Variants in ELMOD1 observed in about 807,000 individuals in gnomAD.
ELMOD1 encodes the protein ELMO domain containing 1.
A neutral mutation model predicts 46.7 loss-of-function variants in ELMOD1; 21 were observed. That is an observed-to-expected ratio of 0.45 (90% CI 0.32 to 0.65). ELMOD1 has a LOEUF of 0.65. Among genes scored for constraint, ELMOD1 ranks in the 30% least tolerant of loss-of-function variants. The pLI is 0.04. For missense variants in ELMOD1, 348 were observed against 407.8 expected, an observed-to-expected ratio of 0.85 and a Z score of 1.26; for synonymous variants, 122 against 138.2, an observed-to-expected ratio of 0.88 and a Z score of 0.82.
Position 107,612,934 on chromosome 11 carries a change from A to G in ELMOD1, c.-85-5171A>G, listed in dbSNP as rs192567556. On this transcript the variant is annotated intron_variant, in intron 1 of 11. Coordinates refer to ENST00000265840, the MANE Select transcript of ELMOD1 (RefSeq NM_018712.4). The stretch of plus-strand genomic sequence containing the variant: ...TTTCCTGTTTGGGGGACAGATAATG[A>G]GATCTAATTGTTATCTTTGTTTCCT... 5.6e-4 allele frequency among the ~76,000 whole-genome samples: 86 copies of G among 152,328 alleles called. 1 individual carries two copies. The highest frequency in any genetic ancestry group is 2.0e-3 in the African/African-American group (85 of 41,574).
Position 107,631,567 on chromosome 11 carries a change from A to T in ELMOD1, c.193-13A>T. ...GTTAATGAAAAGGAAAGTGATTAAA[A>T]CATGTTTTCCAGCTGTTGCAGACTT... On this transcript the variant is annotated splice_polypyrimidine_tract_variant and intron_variant, in intron 4 of 11. Transcript: ENST00000265840. 6.6e-7 allele frequency: 1 copy of T among 1,524,882 alleles called. No individual in the cohort carries two copies. The highest frequency in any genetic ancestry group is 8.9e-7 in the Non-Finnish European group (1 of 1,128,232). 94.5% of individuals were successfully genotyped at this position (1,524,882 alleles called of 1,614,324 possible).
Position 107,646,083 on chromosome 11 carries a change from G to T in ELMOD1, c.421-1385G>T, listed in dbSNP as rs76550627. ...TTATACCCTGTCGGTAATGAAGATAGAAGTCTAAATAGTAAACTTGTTTAC... is the reference window on the plus strand; with the variant it reads ...TTATACCCTGTCGGTAATGAAGATATAAGTCTAAATAGTAAACTTGTTTAC... On this transcript the variant is annotated intron_variant, in intron 6 of 11. Transcript: ENST00000265840. Among the ~76,000 whole-genome samples the T allele has an allele frequency of 5.4e-3, 826 of 152,286 alleles. 7 individuals are homozygous for T. The highest frequency in any genetic ancestry group is 0.019 in the African/African-American group (785 of 41,564).
In ELMOD1 at chr11:107,630,471, G is replaced by A; in HGVS notation, c.72G>A (p.Leu24=). Residue 24 remains leucine (L), a synonymous_variant, in exon 3 of 12, where the codon CTG becomes CTA. Transcript: ENST00000265840. The stretch of plus-strand genomic sequence containing the variant: ...ACTGTAAATTTCTGTGGCGCTGCCT[G>A]AAATTTGTAATGAGGAAGCTAACTG... ...YFYCKFLWRC[L]KFVMRKLTGR... 6.2e-7 allele frequency: 1 copy of A among 1,607,030 alleles called. No homozygotes were observed. The highest frequency in any genetic ancestry group is 1.7e-5 in the Admixed American group (1 of 58,858).
intron 2 of ELMOD1, among the ~76,000 whole-genome samples, chr11:107,621,061 G>A (rs546493365): frequency 6.6e-6 from 1 of 152,276 alleles, no homozygotes; most frequent in African/African-American, 2.4e-5. Flanking sequence ...GAAAACTTGT[G>A]CTGAAGATCA....
intron 4 of ELMOD1, among the ~76,000 whole-genome samples, 179 bp downstream of exon 4, chr11:107,630,907 G>A (rs973060527): frequency 1.4e-4 from 21 of 152,100 alleles, no homozygotes; most frequent in Non-Finnish European, 2.9e-4. Flanking sequence ...AACAGCCACT[G>A]TATGTGAATT....
intron 11 of ELMOD1, among the ~76,000 whole-genome samples, chr11:107,660,826 T>C (rs1305576934): frequency 1.3e-5 from 2 of 152,236 alleles, no homozygotes; most frequent in Admixed American, 6.5e-5. Context: ...TTAGCTTCCA[T>C]AGCGAACAAA....
chr11:107,601,801 T>A (rs1418870920), intron 1 of ELMOD1, among the ~76,000 whole-genome samples: 1 of 152,196 alleles, frequency 6.6e-6, no homozygotes, highest in Non-Finnish European at 1.5e-5. Context: ...TTGTGAATAT[T>A]TTCTGTATAC....
At chr11:107,664,681 T>C (rs1300910981) in intron 11 of ELMOD1, among the ~76,000 whole-genome samples, 1 of 152,122 alleles carries the variant, frequency 6.6e-6, no homozygotes, top group Non-Finnish European at 1.5e-5. Flanking sequence ...CACATTAATT[T>C]AATTAGGAGG....
At chr11:107,631,783 A>G (rs1319722334) in intron 5 of ELMOD1, 106 bp downstream of exon 5, 7 of 559,028 alleles carry the variant, frequency 1.3e-5, no homozygotes, top group African/African-American at 2.0e-5. Context: ...TCTCCCTAAA[A>G]TAATCATCTG....
Position 107,630,530 on chromosome 11 carries a change from C to A in ELMOD1, c.131C>A (p.Thr44Asn), listed in dbSNP as rs921789952. ...RCELQRICYN[T>N]KPGASRTMKI... ...GAACTACAACGGATCTGTTATAATA[C>A]CAAGCCGGGAGCTTCTAGAACCATG... Residue 44 changes from threonine to asparagine, a missense_variant, in exon 3 of 12, where the codon ACC (threonine) becomes AAC (asparagine). Thr to Asn is a moderately conservative substitution (Grantham distance 65). Transcript: ENST00000265840. 5 of 1,610,544 alleles carry A rather than the reference C, an allele frequency of 3.1e-6. No individual in the cohort carries two copies. The highest frequency in any genetic ancestry group is 4.2e-6 in the Non-Finnish European group (5 of 1,178,486).
chr11:107,618,807 A>G (rs1865901896), intron 2 of ELMOD1, among the ~76,000 whole-genome samples: 1 of 152,146 alleles, frequency 6.6e-6, no homozygotes. Context: ...AAAGCATTTG[A>G]CTGGACCTAA....
At chr11:107,617,723 G>C (rs1176176586) in intron 1 of ELMOD1, among the ~76,000 whole-genome samples, 1 of 152,116 alleles carries the variant, frequency 6.6e-6, no homozygotes, top group Non-Finnish European at 1.5e-5. Context: ...CAAAGTTGGG[G>C]CCGCCAGATA....
chr11:107,614,994 CCT>C (rs1257308078), intron 1 of ELMOD1, among the ~76,000 whole-genome samples: 1 of 152,018 alleles, frequency 6.6e-6, no homozygotes, highest in Non-Finnish European at 1.5e-5. Context: ...TATTTAAGTC[CCT>C]GTTTGTTTCT....
chr11:107,625,281 T>G, intron 2 of ELMOD1: 1 of 608,870 alleles, frequency 1.6e-6, no homozygotes, highest in Non-Finnish European at 2.1e-6. Context: ...CTTGCTCTTC[T>G]TTATGACATT....
chr11:107,655,573 C>CT (rs746890763), intron 10 of ELMOD1, among the ~76,000 whole-genome samples: 1,559 of 112,436 alleles, frequency 0.014, 67 homozygotes, highest in Non-Finnish European at 0.015. Context: ...ATTGAAATGC[C>CT]TTTTTTTTTT....
chr11:107,625,673 G>A (rs1178340154), intron 2 of ELMOD1: 1 of 538,126 alleles, frequency 1.9e-6, no homozygotes, highest in African/African-American at 2.1e-5. Flanking sequence ...TGGTAGCAGA[G>A]ATATGATCCA....
intron 10 of ELMOD1, among the ~76,000 whole-genome samples, chr11:107,655,481 C>G (rs2135713925): frequency 6.7e-6 from 1 of 150,200 alleles, no homozygotes; most frequent in South Asian, 2.1e-4. Flanking sequence ...TTACAAAAGT[C>G]AAGGTTTTGA....
At chr11:107,609,595 G>T (rs1865742649) in intron 1 of ELMOD1, among the ~76,000 whole-genome samples, 1 of 152,182 alleles carries the variant, frequency 6.6e-6, no homozygotes, top group Non-Finnish European at 1.5e-5. Flanking sequence ...AGAGCCTCAG[G>T]GGGCTTCTTG....
intron 6 of ELMOD1, among the ~76,000 whole-genome samples, chr11:107,639,741 T>A (rs887892404): frequency 1.3e-5 from 2 of 152,212 alleles, no homozygotes; most frequent in Non-Finnish European, 2.9e-5. Context: ...CATCTGTTTC[T>A]TGTCTTCTGC....
Sources: allele counts gnomAD v4.1 joint callset (sites outside exome capture counted in the v4.1 genomes callset), GRCh38; gene constraint gnomAD v4.1.1; transcripts MANE v1.5; gene names NCBI Gene and HGNC (gene_info 2026-07-23, HGNC 2026-07-21).